The following KCNJ3 variants were observed in gnomAD, a reference collection of about 807,000 sequenced individuals.
KCNJ3 encodes the protein potassium inwardly rectifying channel subfamily J member 3.
A neutral mutation model predicts 39.2 loss-of-function variants in KCNJ3; 4 were observed. The ratio of observed to expected loss-of-function variants is 0.10; its 90% CI spans 0.05 to 0.23. The LOEUF is 0.23. Ranked by LOEUF, KCNJ3 falls within the 10% of genes least tolerant of loss-of-function variation. The pLI, the probability that KCNJ3 is intolerant of heterozygous loss-of-function variation, is 1.00. For synonymous variants in KCNJ3, 230 were observed against 237.4 expected, an observed-to-expected ratio of 0.97 and a Z score of 0.29; for missense variants, 276 against 634.9, an observed-to-expected ratio of 0.43 and a Z score of 6.08.
intron 2 of KCNJ3, among the ~76,000 whole-genome samples, chr2:154,830,310 G>A (rs1430250164): frequency 1.3e-5 from 2 of 152,078 alleles, no homozygotes; most frequent in Non-Finnish European, 2.9e-5. Context: ...ATAAAGTACA[G>A]TTTCTTTGCC....
chr2:154,750,564 A>T (rs929812483), intron 2 of KCNJ3, among the ~76,000 whole-genome samples: 1 of 152,036 alleles, frequency 6.6e-6, no homozygotes, highest in Non-Finnish European at 1.5e-5. Context: ...TTTTATTGCT[A>T]TCAGGCTAGC....
At chr2:154,751,122 C>G (rs1685838024) in intron 2 of KCNJ3, among the ~76,000 whole-genome samples, 2 of 151,676 alleles carry the variant, frequency 1.3e-5, no homozygotes, top group Non-Finnish European at 2.9e-5. Flanking sequence ...AACCAAATAC[C>G]ACCTATTCCC....
intron 2 of KCNJ3, among the ~76,000 whole-genome samples, chr2:154,811,117 C>A (rs1433778891): frequency 6.6e-6 from 1 of 152,112 alleles, no homozygotes; most frequent in Non-Finnish European, 1.5e-5. Context: ...GTACCAAGTA[C>A]AACTCTGGGA....
At chr2:154,769,211 T>C (rs906001883) in intron 2 of KCNJ3, among the ~76,000 whole-genome samples, 4 of 152,194 alleles carry the variant, frequency 2.6e-5, no homozygotes, top group African/African-American at 9.7e-5. Flanking sequence ...TGGCCAGAAC[T>C]TCCAACACTA....
chr2:154,781,642 T>G (rs968549385), intron 2 of KCNJ3, among the ~76,000 whole-genome samples: 2 of 152,312 alleles, frequency 1.3e-5, no homozygotes, highest in East Asian at 3.9e-4. Flanking sequence ...AGATCTTGGC[T>G]TTTGATTGGT....
At chr2:154,801,351 A>T (rs1000450924) in intron 2 of KCNJ3, among the ~76,000 whole-genome samples, 1 of 152,002 alleles carries the variant, frequency 6.6e-6, no homozygotes, top group African/African-American at 2.4e-5. Context: ...GTTTTAGTAA[A>T]TTTTTTCTGT....
rs1470137092 is a variant in KCNJ3 at position 154,855,756 on chromosome 2, CACATAT to C, written c.*451_*456del. 1 of 154,506 alleles carries C rather than the reference CACATAT, an allele frequency of 6.5e-6. No individual in the cohort carries two copies. The highest frequency in any genetic ancestry group is 1.9e-4 in the East Asian group (1 of 5,208). 9.6% of individuals were successfully genotyped at this position (154,506 alleles called of 1,614,324 possible). On this transcript the variant is annotated 3_prime_UTR_variant, in exon 3 of 3. Coordinates refer to ENST00000295101, the MANE Select transcript of KCNJ3 (RefSeq NM_002239.4). The stretch of plus-strand genomic sequence containing the variant: ...CTGTGTGTGTGTGTGTATGTATACA[CACATAT>C]ACATATATATATACACATACATACA...
At chr2:154,770,430 A>T (rs1179341164) in intron 2 of KCNJ3, among the ~76,000 whole-genome samples, 2 of 140,704 alleles carry the variant, frequency 1.4e-5, no homozygotes, top group Non-Finnish European at 3.2e-5. Flanking sequence ...AATTTGAGAA[A>T]TGGGATTTTT....
At chr2:154,763,493 A>G (rs915390651) in intron 2 of KCNJ3, among the ~76,000 whole-genome samples, 2 of 151,980 alleles carry the variant, frequency 1.3e-5, no homozygotes, top group Non-Finnish European at 2.9e-5. Context: ...GTCACCATCG[A>G]CCATCTATTC....
chr2:154,816,760 T>G (rs1018496031), intron 2 of KCNJ3, among the ~76,000 whole-genome samples: 6 of 152,150 alleles, frequency 3.9e-5, no homozygotes, highest in African/African-American at 1.4e-4. Context: ...GAAAAACTGA[T>G]TTTCCTGAGG....
chr2:154,760,910 C>T (rs985232028), intron 2 of KCNJ3, among the ~76,000 whole-genome samples: 1 of 150,666 alleles, frequency 6.6e-6, no homozygotes, highest in African/African-American at 2.4e-5. Flanking sequence ...CTAATTTTTT[C>T]TATTTTGTAG....
chr2:154,853,765 C>A (rs1405605783), intron 2 of KCNJ3, among the ~76,000 whole-genome samples: 1 of 152,042 alleles, frequency 6.6e-6, no homozygotes, highest in Non-Finnish European at 1.5e-5. Flanking sequence ...GATTGTAACA[C>A]AATCGAAATA....
intron 2 of KCNJ3, among the ~76,000 whole-genome samples, chr2:154,751,853 T>C (rs962856780): frequency 6.6e-6 from 1 of 152,026 alleles, no homozygotes; most frequent in South Asian, 2.1e-4. Flanking sequence ...CTTCTGTGTT[T>C]GTGTGCAACC....
chr2:154,822,749 T>C (rs907232841), intron 2 of KCNJ3, among the ~76,000 whole-genome samples: 1 of 151,930 alleles, frequency 6.6e-6, no homozygotes, highest in African/African-American at 2.4e-5. Flanking sequence ...ATTATTAAAA[T>C]AGAATATATT....
chr2:154,787,236 T>C (rs144466042), intron 2 of KCNJ3, among the ~76,000 whole-genome samples: 18 of 152,332 alleles, frequency 1.2e-4, no homozygotes, highest in Middle Eastern at 6.8e-3. Context: ...TGACATAACT[T>C]TGTCTTCTTT....
At chr2:154,748,586 G>A (rs1291134427) in intron 2 of KCNJ3, among the ~76,000 whole-genome samples, 1 of 151,958 alleles carries the variant, frequency 6.6e-6, no homozygotes, top group Non-Finnish European at 1.5e-5. Context: ...TCATCCAATT[G>A]TAAGATATCT....
intron 2 of KCNJ3, among the ~76,000 whole-genome samples, chr2:154,747,880 G>A (rs965423045): frequency 6.6e-6 from 1 of 151,918 alleles, no homozygotes; most frequent in African/African-American, 2.4e-5. Flanking sequence ...CAGTGGCCAA[G>A]GCAGAAAAAT....
At chr2:154,790,806 C>T (rs1016206368) in intron 2 of KCNJ3, among the ~76,000 whole-genome samples, 1 of 151,976 alleles carries the variant, frequency 6.6e-6, no homozygotes, top group South Asian at 2.1e-4. Context: ...GAATATACAG[C>T]AGGAATTGCG....
intron 2 of KCNJ3, among the ~76,000 whole-genome samples, chr2:154,762,115 G>A (rs961486265): frequency 6.6e-6 from 1 of 152,162 alleles, no homozygotes; most frequent in Non-Finnish European, 1.5e-5. Flanking sequence ...CAGGAACACA[G>A]CCCTCTCAAT....
Sources: gnomAD v4.1 joint callset for allele counts (sites outside exome capture counted in the v4.1 genomes callset) on GRCh38, gnomAD v4.1.1 for gene constraint, MANE v1.5 for transcripts, NCBI Gene and HGNC (gene_info 2026-07-23, HGNC 2026-07-21) for gene names.